The following AHCY variants were observed in gnomAD, a reference collection of about 807,000 sequenced individuals.
The protein encoded by AHCY is adenosylhomocysteinase.
In AHCY, 24 loss-of-function variants were observed where a neutral mutation model predicts 45.4. The observed-to-expected ratio is 0.53, with a 90% CI of 0.38 to 0.74. AHCY has a LOEUF of 0.74. Among genes scored for constraint, AHCY ranks in the 30% least tolerant of loss-of-function variants. The pLI, the probability that AHCY is intolerant of heterozygous loss-of-function variation, is 0.00. For missense variants in AHCY, 449 were observed against 594.1 expected (o/e 0.76, Z 2.54); for synonymous variants, 245 against 235.1 (o/e 1.04, Z -0.39).
At chr20:34,303,385 A>G, upstream of AHCY, 1 of 1,454,668 alleles carries the variant, frequency 6.9e-7, no homozygotes, top group Non-Finnish European at 9.4e-7. Context: ...GCCTTTAAAT[A>G]TCTTCCTCGC....
At chr20:34,272,423 C>T in the AHCY span, among the ~76,000 whole-genome samples, 1 of 152,220 alleles carries the variant, frequency 6.6e-6, no homozygotes, top group South Asian at 2.1e-4. Flanking sequence ...ACACTATCTA[C>T]TTGGAGATGG....
At chr20:34,303,159 C>G in intron 1 of AHCY, 84 bp downstream of exon 1, 1 of 1,543,198 alleles carries the variant, frequency 6.5e-7, no homozygotes, top group Non-Finnish European at 8.8e-7. Flanking sequence ...CAGAGAGCCC[C>G]GAGTCGGCCC....
chr20:34,258,685 A>ATATG, the AHCY span, among the ~76,000 whole-genome samples: 1 of 74,492 alleles, frequency 1.3e-5, no homozygotes, highest in African/African-American at 8.7e-5. Flanking sequence ...ATATATATAT[A>ATATG]TATATACATA....
At chr20:34,243,758 TAAAAA>T in the AHCY span, among the ~76,000 whole-genome samples, 1 of 134,048 alleles carries the variant, frequency 7.5e-6, no homozygotes, top group Admixed American at 7.6e-5. Context: ...ATATTGTATT[TAAAAA>T]AAAAAAAAAA....
Position 34,303,345 on chromosome 20 carries a change from G to C in AHCY, c.-75C>G, listed in dbSNP as rs1242684957. 6.5e-7 allele frequency: 1 copy of C among 1,542,350 alleles called. No homozygotes were observed. On this transcript the variant is annotated 5_prime_UTR_variant, in exon 1 of 10. Coordinates refer to ENST00000217426, the MANE Select transcript of AHCY (RefSeq NM_000687.4). ...TGGGAACAGGAACTGGGCGGGCAGC[G>C]CCGAGCAGGGATATGCGCGTGGCGC... is the stretch of plus-strand genomic sequence containing the variant.
chr20:34,272,090 C>T, the AHCY span, among the ~76,000 whole-genome samples: 1 of 151,786 alleles, frequency 6.6e-6, no homozygotes, highest in Admixed American at 6.6e-5. Flanking sequence ...AGGAGCCAAG[C>T]GGACAATGTC....
intron 1 of AHCY, among the ~76,000 whole-genome samples, chr20:34,300,043 G>A (rs754572965): frequency 2.6e-5 from 4 of 152,118 alleles, no homozygotes; most frequent in Non-Finnish European, 4.4e-5. Context: ...AAATTAGTTG[G>A]GCGTGGTGGT....
At chr20:34,235,913 A>G in the AHCY span, among the ~76,000 whole-genome samples, 272 of 106,884 alleles carry the variant, frequency 2.5e-3, 15 homozygotes, top group African/African-American at 5.4e-3. Context: ...GAAGGAAGGA[A>G]GGAAGGAAGG....
chr20:34,238,621 T>A, the AHCY span, among the ~76,000 whole-genome samples: 1 of 152,172 alleles, frequency 6.6e-6, no homozygotes, highest in Non-Finnish European at 1.5e-5. Flanking sequence ...ACAATTGTTT[T>A]AATATATTTG....
At chr20:34,302,006 G>GC (rs1555836907) in intron 1 of AHCY, 22 of 833,484 alleles carry the variant, frequency 2.6e-5, no homozygotes, top group Non-Finnish European at 3.2e-5. Flanking sequence ...TTTTTTGTTT[G>GC]TTTTTTTTTT....
chr20:34,239,758 C>A, the AHCY span, among the ~76,000 whole-genome samples: 1 of 152,164 alleles, frequency 6.6e-6, no homozygotes, highest in Non-Finnish European at 1.5e-5. Flanking sequence ...CTCTACAAAT[C>A]ACCAAAAGAA....
At chr20:34,239,048 C>A in the AHCY span, among the ~76,000 whole-genome samples, 1 of 152,156 alleles carries the variant, frequency 6.6e-6, no homozygotes, top group Non-Finnish European at 1.5e-5. Flanking sequence ...CTAATTATTT[C>A]TAAGGGAATA....
At chr20:34,294,507 T>G (rs2036507896) in intron 2 of AHCY, among the ~76,000 whole-genome samples, 2 of 152,126 alleles carry the variant, frequency 1.3e-5, no homozygotes, top group Admixed American at 6.5e-5. Context: ...AAGGCTGCAC[T>G]GACAGGATTT....
chr20:34,262,924 T>A, the AHCY span: 191 of 1,612,160 alleles, frequency 1.2e-4, no homozygotes, highest in Admixed American at 3.1e-3. Context: ...GGAGTTCTCA[T>A]TGTTGGGGTG....
rs1396896141 is a variant in AHCY at position 34,297,224 on chromosome 20, G to A, written c.29-1639C>T. On this transcript the variant is annotated intron_variant, in intron 1 of 9. Transcript: ENST00000217426. ...GCCCAATTAAACCCGACCCTCCACT[G>A]CACCGGACCCACTGAACCCAGCAGG... Among the ~76,000 whole-genome samples the A allele has an allele frequency of 1.3e-5, 2 of 151,768 alleles. 1 individual carries two copies. The highest frequency in any genetic ancestry group is 3.8e-4 in the East Asian group (2 of 5,196).
chr20:34,273,025 T>C, the AHCY span, among the ~76,000 whole-genome samples: 1 of 152,246 alleles, frequency 6.6e-6, no homozygotes, highest in Non-Finnish European at 1.5e-5. Context: ...AACCCCAGCA[T>C]GTCTGGCTAT....
chr20:34,262,547 G>C, the AHCY span, among the ~76,000 whole-genome samples: 16 of 152,322 alleles, frequency 1.1e-4, no homozygotes, highest in African/African-American at 3.6e-4. Context: ...CACTTAGGTC[G>C]AGGGACCAGG....
At chr20:34,234,659 G>A in the AHCY span, among the ~76,000 whole-genome samples, 6 of 151,958 alleles carry the variant, frequency 3.9e-5, no homozygotes, top group South Asian at 2.1e-4. Flanking sequence ...AAAATTCGCC[G>A]GGCGTGGTGG....
chr20:34,302,759 C>A (rs1219253967), intron 1 of AHCY: 1 of 991,588 alleles, frequency 1.0e-6, no homozygotes, highest in Non-Finnish European at 1.2e-6. Context: ...AGGATCGGAG[C>A]CGGCCTGGGG....
Sources: allele counts gnomAD v4.1 joint callset (sites outside exome capture counted in the v4.1 genomes callset), GRCh38; gene constraint gnomAD v4.1.1; transcripts MANE v1.5; gene names NCBI Gene and HGNC (gene_info 2026-07-23, HGNC 2026-07-21).